OR4F16: variants seen among roughly 807,000 people sequenced by gnomAD.
The protein encoded by OR4F16 is olfactory receptor 4F3/4F16/4F29.
At chr1:692,987 G>A in the OR4F16 span, among the ~76,000 whole-genome samples, 174 of 124,620 alleles carry the variant, frequency 1.4e-3, no homozygotes, top group Middle Eastern at 0.011. Flanking sequence ...AATTCAACAT[G>A]TAATTGTATA....
chr1:701,610 T>C, the OR4F16 span, among the ~76,000 whole-genome samples: 2 of 150,122 alleles, frequency 1.3e-5, no homozygotes, highest in Non-Finnish European at 2.9e-5. Flanking sequence ...TAAAAAATGA[T>C]ATCATGTCTT....
the OR4F16 span, among the ~76,000 whole-genome samples, chr1:715,879 C>G: frequency 2.0e-5 from 3 of 150,692 alleles, no homozygotes; most frequent in Admixed American, 1.3e-4. Context: ...TGTGAAGGAT[C>G]ATGTCAAAGG....
chr1:701,470 C>G, the OR4F16 span, among the ~76,000 whole-genome samples: 1 of 149,960 alleles, frequency 6.7e-6, no homozygotes, highest in Non-Finnish European at 1.5e-5. Flanking sequence ...GGTCTGAGAA[C>G]AAGAGACTGA....
chr1:715,787 G>C, the OR4F16 span, among the ~76,000 whole-genome samples: 1 of 148,682 alleles, frequency 6.7e-6, no homozygotes, highest in African/African-American at 2.5e-5. Context: ...AGCTGTGATT[G>C]CACCACTGCA....
upstream of OR4F16, among the ~76,000 whole-genome samples, chr1:690,279 A>T (rs1472253381): frequency 8.3e-6 from 1 of 120,452 alleles, no homozygotes; most frequent in African/African-American, 3.7e-5. Flanking sequence ...AAGGCACATG[A>T]AATTTTTACT....
the OR4F16 span, among the ~76,000 whole-genome samples, chr1:692,648 TGGG>T: frequency 6.9e-6 from 1 of 145,126 alleles, no homozygotes; most frequent in Admixed American, 7.0e-5. Context: ...AGAGCAGACT[TGGG>T]GGGCTACACA....
chr1:680,114 C>A, the OR4F16 span, among the ~76,000 whole-genome samples: 1 of 111,514 alleles, frequency 9.0e-6, no homozygotes, highest in Non-Finnish European at 1.8e-5. Flanking sequence ...ATGGCAAAAA[C>A]CACATGCTTC....
chr1:701,188 C>T, the OR4F16 span, among the ~76,000 whole-genome samples: 1 of 136,764 alleles, frequency 7.3e-6, no homozygotes, highest in Non-Finnish European at 1.5e-5. Flanking sequence ...ACAGTAAACA[C>T]TGAATGGTCC....
the OR4F16 span, among the ~76,000 whole-genome samples, chr1:692,894 C>T: frequency 6.2e-4 from 79 of 126,598 alleles, no homozygotes; most frequent in African/African-American, 2.4e-3. Flanking sequence ...AAAATAATCA[C>T]GTGTATTTTA....
the OR4F16 span, among the ~76,000 whole-genome samples, chr1:701,247 G>T: frequency 6.8e-6 from 1 of 147,292 alleles, no homozygotes; most frequent in East Asian, 2.1e-4. Context: ...ACTGGAAAGG[G>T]CTTTAAGGAT....
At chr1:716,544 GTTTT>G in the OR4F16 span, among the ~76,000 whole-genome samples, 1 of 32,364 alleles carries the variant, frequency 3.1e-5, no homozygotes, top group African/African-American at 7.9e-5. Context: ...CTATAGACCA[GTTTT>G]TTATTTAAAT....
At chr1:678,172 TGA>T in the OR4F16 span, among the ~76,000 whole-genome samples, 1 of 91,656 alleles carries the variant, frequency 1.1e-5, no homozygotes, top group Non-Finnish European at 2.1e-5. Flanking sequence ...AAGCAAATGC[TGA>T]GAGATTTTGT....
chr1:691,175 A>G (rs1436421499), upstream of OR4F16, among the ~76,000 whole-genome samples: 2 of 151,610 alleles, frequency 1.3e-5, no homozygotes, highest in African/African-American at 4.9e-5. Flanking sequence ...GTGATATAAT[A>G]TAGGTAAAAA....
the OR4F16 span, among the ~76,000 whole-genome samples, chr1:717,142 G>C: frequency 6.9e-6 from 1 of 145,228 alleles, no homozygotes; most frequent in Non-Finnish European, 1.5e-5. Flanking sequence ...ATTGGGCATT[G>C]TATACATGTA....
the OR4F16 span, among the ~76,000 whole-genome samples, chr1:701,376 T>C: frequency 6.7e-6 from 1 of 149,592 alleles, no homozygotes; most frequent in Non-Finnish European, 1.5e-5. Flanking sequence ...CCGAAAAAGT[T>C]TGTGGATCTG....
the OR4F16 span, among the ~76,000 whole-genome samples, chr1:715,850 C>G: frequency 6.6e-6 from 1 of 151,200 alleles, no homozygotes; most frequent in African/African-American, 2.5e-5. Context: ...AAAGAAAAAT[C>G]ACTAAGCAAA....
the OR4F16 span, among the ~76,000 whole-genome samples, chr1:717,290 A>T: frequency 6.6e-6 from 1 of 151,398 alleles, no homozygotes; most frequent in East Asian, 2.0e-4. Flanking sequence ...TAACATTAGC[A>T]GCTGATTTCT....
chr1:713,490 T>C, the OR4F16 span, among the ~76,000 whole-genome samples: 2 of 139,624 alleles, frequency 1.4e-5, no homozygotes, highest in East Asian at 2.0e-4. Flanking sequence ...TTTGTTTATA[T>C]AGTCAATCTC....
the OR4F16 span, among the ~76,000 whole-genome samples, chr1:701,756 C>T: frequency 6.7e-6 from 1 of 150,334 alleles, no homozygotes; most frequent in Non-Finnish European, 1.5e-5. Context: ...AAAACAGACA[C>T]TGGGGTCTAC....
Sources: allele counts gnomAD v4.1 joint callset (sites outside exome capture counted in the v4.1 genomes callset), GRCh38; gene constraint gnomAD v4.1.1; transcripts MANE v1.5; gene names NCBI Gene and HGNC (gene_info 2026-07-23, HGNC 2026-07-21).